SPMAP2L: variants seen among roughly 807,000 people sequenced by gnomAD.
SPMAP2L encodes the protein sperm microtubule associated protein 2-like.
the SPMAP2L span, among the ~76,000 whole-genome samples, chr4:56,534,941 C>A: frequency 6.6e-6 from 1 of 151,920 alleles, no homozygotes; most frequent in Non-Finnish European, 1.5e-5. Context: ...ACAACAACAA[C>A]AAACAACAAC....
chr4:56,617,610 G>A, the SPMAP2L span, among the ~76,000 whole-genome samples: 1 of 152,284 alleles, frequency 6.6e-6, no homozygotes, highest in African/African-American at 2.4e-5. Flanking sequence ...TACAGCTGAA[G>A]ACCCAGTGGG....
At chr4:56,566,982 A>G in the SPMAP2L span, among the ~76,000 whole-genome samples, 3 of 152,106 alleles carry the variant, frequency 2.0e-5, no homozygotes, top group Non-Finnish European at 4.4e-5. Context: ...GGCATGAGCT[A>G]CTGTGCCTGG....
At chr4:56,559,206 C>T in the SPMAP2L span, among the ~76,000 whole-genome samples, 5 of 147,850 alleles carry the variant, frequency 3.4e-5, no homozygotes, top group Admixed American at 1.4e-4. Context: ...GTGGCTGAGG[C>T]AGGAGAAGCA....
chr4:56,553,739 A>T, the SPMAP2L span, among the ~76,000 whole-genome samples: 5 of 152,186 alleles, frequency 3.3e-5, no homozygotes, highest in Non-Finnish European at 7.4e-5. Context: ...GTGCAGCTTT[A>T]TGGGTTTGAC....
At chr4:56,590,306 T>C in the SPMAP2L span, among the ~76,000 whole-genome samples, 1 of 152,252 alleles carries the variant, frequency 6.6e-6, no homozygotes, top group African/African-American at 2.4e-5. Context: ...TGTATCACAT[T>C]TATTGACTTG....
chr4:56,605,425 A>C, the SPMAP2L span, among the ~76,000 whole-genome samples: 4 of 152,206 alleles, frequency 2.6e-5, no homozygotes, highest in African/African-American at 9.6e-5. Flanking sequence ...AGTACTATGA[A>C]ATAGTGTTAT....
At chr4:56,594,021 A>G in the SPMAP2L span, 214 of 1,611,430 alleles carry the variant, frequency 1.3e-4, no homozygotes, top group Middle Eastern at 2.2e-4. Context: ...AGGGCCGCTC[A>G]GCGGCAGATC....
chr4:56,537,842 G>A, the SPMAP2L span, among the ~76,000 whole-genome samples: 12 of 152,146 alleles, frequency 7.9e-5, no homozygotes, highest in East Asian at 3.9e-4. Context: ...ACAGGTGCCC[G>A]CCACCACGCC....
chr4:56,590,466 T>C, the SPMAP2L span, among the ~76,000 whole-genome samples: 59,534 of 152,108 alleles, frequency 0.39, 12,561 homozygotes, highest in Admixed American at 0.47. Context: ...TAGTTTCAAA[T>C]GGTACTTTTT....
At chr4:56,618,218 C>A in the SPMAP2L span, among the ~76,000 whole-genome samples, 1 of 152,184 alleles carries the variant, frequency 6.6e-6, no homozygotes, top group Non-Finnish European at 1.5e-5. Flanking sequence ...CCACTCTCTT[C>A]CCTTCCCAGC....
At chr4:56,616,573 T>C in the SPMAP2L span, among the ~76,000 whole-genome samples, 1 of 152,128 alleles carries the variant, frequency 6.6e-6, no homozygotes, top group South Asian at 2.1e-4. Context: ...ATATGTCCCT[T>C]TAATATTGAC....
At chr4:56,571,748 T>G in the SPMAP2L span, among the ~76,000 whole-genome samples, 18 of 152,274 alleles carry the variant, frequency 1.2e-4, no homozygotes, top group East Asian at 3.5e-3. Context: ...CTCAGGAGGC[T>G]GAGAGGGGAG....
At chr4:56,577,679 G>A in the SPMAP2L span, among the ~76,000 whole-genome samples, 2,124 of 152,166 alleles carry the variant, frequency 0.014, 28 homozygotes, top group African/African-American at 0.025. Flanking sequence ...TAACTGAAGC[G>A]GAAATTACGA....
At chr4:56,552,493 A>G in the SPMAP2L span, 4 of 929,678 alleles carry the variant, frequency 4.3e-6, no homozygotes, top group African/African-American at 6.5e-5. Context: ...GGAGTCATCT[A>G]ATGTAACCAC....
chr4:56,576,958 A>G, the SPMAP2L span, among the ~76,000 whole-genome samples: 1 of 152,172 alleles, frequency 6.6e-6, no homozygotes, highest in Non-Finnish European at 1.5e-5. Flanking sequence ...ACATGTAACC[A>G]TTGTTCATTG....
chr4:56,574,693 G>T, the SPMAP2L span, among the ~76,000 whole-genome samples: 2 of 151,890 alleles, frequency 1.3e-5, no homozygotes, highest in African/African-American at 4.8e-5. Flanking sequence ...TTTGGAAAAT[G>T]TAATTGCCAG....
the SPMAP2L span, among the ~76,000 whole-genome samples, chr4:56,597,501 G>A: frequency 1.3e-5 from 2 of 152,092 alleles, no homozygotes; most frequent in Non-Finnish European, 2.9e-5. Flanking sequence ...GTTTCACCCT[G>A]TTTCAAGGAA....
the SPMAP2L span, chr4:56,530,708 C>T: frequency 3.3e-5 from 51 of 1,535,180 alleles, no homozygotes; most frequent in Non-Finnish European, 3.8e-5. Context: ...AGTTCATCTG[C>T]GCCGTCCGAG....
chr4:56,579,193 A>G, the SPMAP2L span, among the ~76,000 whole-genome samples: 2 of 152,182 alleles, frequency 1.3e-5, no homozygotes, highest in African/African-American at 2.4e-5. Flanking sequence ...ATTCTCTAGG[A>G]TAGATCACAT....
Sources: gnomAD v4.1 joint callset for allele counts (sites outside exome capture counted in the v4.1 genomes callset) on GRCh38, gnomAD v4.1.1 for gene constraint, MANE v1.5 for transcripts, NCBI Gene and HGNC (gene_info 2026-07-23, HGNC 2026-07-21) for gene names.